DNAJB14: variants seen among roughly 807,000 people sequenced by gnomAD.
DNAJB14 encodes dnaJ homolog subfamily B member 14.
DNAJB14 carries 22 observed loss-of-function variants against 48.4 expected under a neutral mutation model. The observed-to-expected ratio is 0.45, with a 90% confidence interval of 0.32 to 0.65. DNAJB14 has a LOEUF of 0.65. Ranked by LOEUF, DNAJB14 falls within the 30% of genes least tolerant of loss-of-function variation. DNAJB14 has a pLI of 0.03. For missense variants in DNAJB14, 319 were observed against 458.8 expected (o/e 0.70, Z 2.78); for synonymous variants, 142 against 158.7 (o/e 0.89, Z 0.79).
At chr4:99,935,645 T>G (rs1259132351) in intron 1 of DNAJB14, among the ~76,000 whole-genome samples, 1 of 152,210 alleles carries the variant, frequency 6.6e-6, no homozygotes, top group African/African-American at 2.4e-5. Flanking sequence ...TTCTAAATGG[T>G]GGGCTTCCCC....
intron 1 of DNAJB14, among the ~76,000 whole-genome samples, chr4:99,941,568 G>A (rs1473937554): frequency 6.6e-6 from 1 of 152,132 alleles, no homozygotes; most frequent in Non-Finnish European, 1.5e-5. Flanking sequence ...TGGAATTATT[G>A]TGTCATATAC....
intron 1 of DNAJB14, among the ~76,000 whole-genome samples, chr4:99,940,130 G>A (rs1453789440): frequency 2.0e-5 from 3 of 152,146 alleles, no homozygotes; most frequent in Non-Finnish European, 4.4e-5. Context: ...GAAGAACTGA[G>A]ATCTATTTTT....
At chr4:99,932,798 A>G (rs977628851) in intron 1 of DNAJB14, among the ~76,000 whole-genome samples, 1 of 152,222 alleles carries the variant, frequency 6.6e-6, no homozygotes, top group South Asian at 2.1e-4. Context: ...TTTCAAAAAT[A>G]AAAAGAAACA....
At chr4:99,930,717 G>A in intron 1 of DNAJB14, 96 bp from the exon 2 acceptor site, 2 of 1,339,180 alleles carry the variant, frequency 1.5e-6, no homozygotes, top group Non-Finnish European at 2.0e-6. Flanking sequence ...TATGAAGTGT[G>A]TTCTCCAAAA....
intron 3 of DNAJB14, among the ~76,000 whole-genome samples, chr4:99,915,996 T>TA (rs1242032223): frequency 6.6e-6 from 1 of 152,254 alleles, no homozygotes; most frequent in East Asian, 1.9e-4. Flanking sequence ...TAATTTTTTT[T>TA]ACTCTAAAAC....
intron 2 of DNAJB14, 133 bp downstream of exon 2, chr4:99,930,317 T>TA: frequency 1.2e-6 from 1 of 850,994 alleles, no homozygotes; most frequent in South Asian, 2.5e-5. Context: ...ATATGAAGCA[T>TA]AAGACACACC....
chr4:99,924,874 G>T, intron 2 of DNAJB14: 1 of 1,292,944 alleles, frequency 7.7e-7, no homozygotes, highest in South Asian at 1.2e-5. Context: ...GAATTCAACT[G>T]TAGATTTTGC....
In DNAJB14 at chr4:99,937,455, T is replaced by C. The variant is rs147166991; in HGVS notation, c.134-6834A>G. Among the ~76,000 whole-genome samples the C allele has an allele frequency of 1.1e-3, 164 of 152,298 alleles. 1 individual carries two copies. Among genetic ancestry groups the C allele is most frequent in the Non-Finnish European group, 1.8e-3 (123 of 68,018 alleles). On this transcript the variant is annotated intron_variant, in intron 1 of 7. Coordinates refer to ENST00000442697, the MANE Select transcript of DNAJB14 (RefSeq NM_001031723.4). ...AAGAACACACATCAGCAGGGCACGG[T>C]AGCTCACACCTGTAATCCCAGCACT...
chr4:99,916,016 C>T (rs935510223), intron 3 of DNAJB14, among the ~76,000 whole-genome samples: 6 of 152,244 alleles, frequency 3.9e-5, no homozygotes, highest in African/African-American at 1.4e-4. Flanking sequence ...CCTACTTGCT[C>T]TAATATTAAT....
At position 99,901,029 on chromosome 4, in the gene DNAJB14, C is replaced by CAG. The variant is rs762481024; in HGVS notation, c.1138_1139insCT (p.Ter380SerfsTer59). On this transcript the variant is annotated frameshift_variant and stop_lost, in exon 8 of 8. Coordinates refer to ENST00000442697, the MANE Select transcript of DNAJB14 (RefSeq NM_001031723.4). LOFTEE classifies it high-confidence loss of function. Reference sequence around the variant, plus strand: ...AAAGGTATAAATAAAAATTCCAGTTCATCCTCCTTTATAAAGACTGGTAAG... The same window carrying CAG: ...AAAGGTATAAATAAAAATTCCAGTTCAGATCCTCCTTTATAAAGACTGGTAAG... 1.2e-6 allele frequency: 2 copies of CAG among 1,602,396 alleles called. No individual in the cohort carries two copies.
At chr4:99,929,445 AG>A (rs370581595) in intron 2 of DNAJB14, 43 of 152,346 alleles carry the variant, frequency 2.8e-4, no homozygotes, top group African/African-American at 9.9e-4. Context: ...GTTACAATCA[AG>A]CTTTAGCATT....
chr4:99,945,371 G>A (rs746019380), intron 1 of DNAJB14, among the ~76,000 whole-genome samples: 2 of 152,128 alleles, frequency 1.3e-5, no homozygotes, highest in Non-Finnish European at 2.9e-5. Flanking sequence ...AACAAAACAA[G>A]TGGCCCCATA....
At chr4:99,922,801 G>T in intron 3 of DNAJB14, 1 of 366,470 alleles carries the variant, frequency 2.7e-6, no homozygotes, top group Non-Finnish European at 5.0e-6. Flanking sequence ...ATGCATATGT[G>T]CCTAGAAAAG....
rs111989743 is a variant in DNAJB14, at chr4:99,921,178, C to T, written c.451+1862G>A. On this transcript the variant is annotated intron_variant, in intron 3 of 7. Transcript: ENST00000442697. ...AAAAATGGGCTCATCAGCCAATTCC[C>T]TATTCTGATCCTCTTTGGGACTAAT... Among the ~76,000 whole-genome samples the T allele has an allele frequency of 3.2e-4, 49 of 152,310 alleles. 1 individual carries two copies. The highest frequency in any genetic ancestry group is 1.1e-3 in the African/African-American group (45 of 41,582).
intron 1 of DNAJB14, among the ~76,000 whole-genome samples, chr4:99,937,121 C>T (rs1578237442): frequency 6.6e-6 from 1 of 152,006 alleles, no homozygotes; most frequent in South Asian, 2.1e-4. Flanking sequence ...TCGAGACTAT[C>T]CTGGCTAACA....
intron 2 of DNAJB14, chr4:99,924,711 G>A (rs1726184401): frequency 6.2e-7 from 1 of 1,606,662 alleles, no homozygotes; most frequent in Admixed American, 1.7e-5. Context: ...ATGTTTAGAA[G>A]CTATGTGATA....
intron 3 of DNAJB14, among the ~76,000 whole-genome samples, chr4:99,909,983 C>A (rs1290083875): frequency 6.6e-6 from 1 of 152,012 alleles, no homozygotes; most frequent in Non-Finnish European, 1.5e-5. Flanking sequence ...AGATTGTAAG[C>A]CTCTTGCAAT....
Position 99,903,731 on chromosome 4 carries a change from T to G in DNAJB14, c.1010A>C (p.Gln337Pro). 1 of 1,607,122 alleles carries G rather than the reference T, an allele frequency of 6.2e-7. No individual in the cohort carries two copies. The highest frequency in any genetic ancestry group is 1.1e-5 in the South Asian group (1 of 90,502). The change falls in exon 7 of 8, where the codon CAA (glutamine) becomes CCA (proline). Residue 337 changes from glutamine to proline, a missense_variant. By Grantham distance (76) the Gln-to-Pro change is moderately conservative (BLOSUM62 -1). This residue lies in a region of DNAJB14 where 166 missense variants were observed against 236.3 expected (regional missense o/e 0.70). Transcript: ENST00000442697. ...NIRNNCWKER[Q>P]QKTDMQYAAK... ...TAAACACATGACAAACTTACTTTGT[T>G]GTCTTTCTTTCCAGCAGTTATTTCG... is the stretch of plus-strand genomic sequence containing the variant.
intron 2 of DNAJB14, chr4:99,925,026 A>T: frequency 1.9e-6 from 1 of 537,206 alleles, no homozygotes; most frequent in Non-Finnish European, 3.3e-6. Flanking sequence ...TAAGATGTAT[A>T]ATATAAAATA....
Sources: allele counts gnomAD v4.1 joint callset (sites outside exome capture counted in the v4.1 genomes callset), GRCh38; gene constraint gnomAD v4.1.1; regional missense constraint gnomAD v4.1.1; transcripts MANE v1.5; gene names NCBI Gene and HGNC (gene_info 2026-07-23, HGNC 2026-07-21).